ASTN1: variants seen among roughly 807,000 people sequenced by gnomAD.
ASTN1 encodes the protein astrotactin 1, also known as astrotactin-1.
ASTN1 carries 41 observed loss-of-function variants against 140.7 expected under a neutral mutation model. The observed-to-expected ratio is 0.29, with a 90% CI of 0.23 to 0.38. ASTN1 has a LOEUF of 0.38. ASTN1 is among the 10% of genes least tolerant of loss of function. The probability of loss-of-function intolerance (pLI) is 1.00; values close to 1 mark genes in which losing one functional copy is unlikely to be tolerated. For missense variants in ASTN1, 1,479 were observed against 1,678.8 expected (o/e 0.88, Z 2.08); for synonymous variants, 640 against 652.2 (o/e 0.98, Z 0.29).
intron 1 of ASTN1, among the ~76,000 whole-genome samples, chr1:177,096,745 C>T (rs1680044222): frequency 6.6e-6 from 1 of 152,166 alleles, no homozygotes; most frequent in South Asian, 2.1e-4. Context: ...TCCTCCTTCA[C>T]CTTCTACCAT....
chr1:177,076,922 A>AGTCT (rs1313023259), intron 1 of ASTN1, among the ~76,000 whole-genome samples: 1 of 152,162 alleles, frequency 6.6e-6, no homozygotes, highest in Non-Finnish European at 1.5e-5. Flanking sequence ...CTAGAAAGAA[A>AGTCT]GTCTGTCATC....
intron 21 of ASTN1, among the ~76,000 whole-genome samples, chr1:176,872,050 TG>T (rs1302853210): frequency 6.6e-6 from 1 of 152,102 alleles, no homozygotes; most frequent in Non-Finnish European, 1.5e-5. Context: ...TGGCATCAAA[TG>T]GAGTTGGGCC....
chr1:176,871,199 G>T (rs921168202), intron 21 of ASTN1, among the ~76,000 whole-genome samples: 1 of 152,082 alleles, frequency 6.6e-6, no homozygotes, highest in Admixed American at 6.5e-5. Flanking sequence ...CTGTGCAGGG[G>T]GTCTGTCATT....
intron 1 of ASTN1, among the ~76,000 whole-genome samples, chr1:177,138,712 A>AT (rs1386695367): frequency 6.6e-6 from 1 of 152,208 alleles, no homozygotes; most frequent in Non-Finnish European, 1.5e-5. Flanking sequence ...GAAAGCTTTC[A>AT]TTAATCAGGA....
At chr1:176,865,359 A>G (rs189747764) in intron 22 of ASTN1, among the ~76,000 whole-genome samples, 1 of 152,190 alleles carries the variant, frequency 6.6e-6, no homozygotes, top group Non-Finnish European at 1.5e-5. Flanking sequence ...CTTGGGGGAA[A>G]GGACTGGCAA....
intron 17 of ASTN1, among the ~76,000 whole-genome samples, chr1:176,889,273 G>A (rs1669167458): frequency 6.6e-6 from 1 of 152,186 alleles, no homozygotes; most frequent in African/African-American, 2.4e-5. Flanking sequence ...GAGAGGGTGG[G>A]ACTGGCTGCA....
intron 22 of ASTN1, among the ~76,000 whole-genome samples, chr1:176,867,825 G>A (rs1321307632): frequency 6.6e-6 from 1 of 152,198 alleles, no homozygotes; most frequent in Non-Finnish European, 1.5e-5. Context: ...AGATGGATGG[G>A]ATGACTTTTG....
intron 1 of ASTN1, among the ~76,000 whole-genome samples, chr1:177,082,764 A>G (rs922991856): frequency 6.6e-5 from 10 of 152,120 alleles, no homozygotes; most frequent in African/African-American, 2.4e-4. Context: ...CTCCTTCCCT[A>G]TGCTGGAGGG....
chr1:177,030,734 A>G (rs1010850796), intron 4 of ASTN1, 72 bp downstream of exon 4: 2 of 1,584,404 alleles, frequency 1.3e-6, no homozygotes, highest in Non-Finnish European at 1.7e-6. Flanking sequence ...GAATGGGTAG[A>G]AGATATTAAT....
chr1:176,869,644 G>T (rs12125009), intron 21 of ASTN1, among the ~76,000 whole-genome samples: 15,740 of 152,176 alleles, frequency 0.1, 928 homozygotes, highest in African/African-American at 0.17. Flanking sequence ...CTGCTGGATC[G>T]CCACTGGGTC....
intron 11 of ASTN1, among the ~76,000 whole-genome samples, chr1:176,957,470 A>G (rs1672458346): frequency 1.3e-5 from 2 of 152,164 alleles, no homozygotes; most frequent in Non-Finnish European, 1.5e-5. Flanking sequence ...TATAGTGCAC[A>G]TAGTAGGTAC....
intron 1 of ASTN1, among the ~76,000 whole-genome samples, chr1:177,145,908 T>G (rs913440825): frequency 2.6e-5 from 4 of 152,234 alleles, no homozygotes; most frequent in Non-Finnish European, 5.9e-5. Context: ...CCCAAAAATC[T>G]TGGCCTCTGC....
chr1:176,916,063 T>C (rs1670466857), intron 16 of ASTN1, among the ~76,000 whole-genome samples: 1 of 152,232 alleles, frequency 6.6e-6, no homozygotes, highest in African/African-American at 2.4e-5. Context: ...GGATCTTTAC[T>C]ACAGTGAATC....
chr1:176,887,889 T>C (rs1438095920), intron 18 of ASTN1, among the ~76,000 whole-genome samples, 182 bp downstream of exon 18: 5 of 152,200 alleles, frequency 3.3e-5, no homozygotes, highest in Non-Finnish European at 5.9e-5. Flanking sequence ...TTAACACTTG[T>C]CACACCCTTT....
intron 19 of ASTN1, 121 bp downstream of exon 19, chr1:176,884,218 T>C: frequency 8.9e-7 from 1 of 1,122,620 alleles, no homozygotes; most frequent in East Asian, 2.5e-5. Flanking sequence ...TTCTCCCTGC[T>C]CCTCCTGCAT....
chr1:177,027,893 T>C (rs908270253), intron 5 of ASTN1, among the ~76,000 whole-genome samples: 2 of 152,084 alleles, frequency 1.3e-5, no homozygotes, highest in Non-Finnish European at 2.9e-5. Flanking sequence ...TATTATTAAA[T>C]TAAGCCTTAT....
chr1:177,147,313 C>T (rs1030875054), intron 1 of ASTN1, among the ~76,000 whole-genome samples: 4 of 152,158 alleles, frequency 2.6e-5, no homozygotes, highest in African/African-American at 9.7e-5. Context: ...TGTTAAAGTT[C>T]AATGGTACCA....
intron 9 of ASTN1, among the ~76,000 whole-genome samples, chr1:176,962,890 T>C (rs1300603707): frequency 6.6e-6 from 1 of 152,196 alleles, no homozygotes; most frequent in Non-Finnish European, 1.5e-5. Context: ...ATCTTGGTCA[T>C]ATTTGTTTGG....
chr1:177,063,921 C>T (rs1340079451), intron 1 of ASTN1, among the ~76,000 whole-genome samples: 1 of 152,190 alleles, frequency 6.6e-6, no homozygotes, highest in Admixed American at 6.5e-5. Flanking sequence ...TTATCTCATA[C>T]ACATCTGAGT....
Sources: gnomAD v4.1 joint callset for allele counts (sites outside exome capture counted in the v4.1 genomes callset) on GRCh38, gnomAD v4.1.1 for gene constraint, MANE v1.5 for transcripts, NCBI Gene and HGNC (gene_info 2026-07-23, HGNC 2026-07-21) for gene names.